ATP8A1: variants seen among roughly 807,000 people sequenced by gnomAD.
ATP8A1 encodes phospholipid-transporting ATPase IA.
A neutral mutation model predicts 177.7 loss-of-function variants in ATP8A1; 90 were observed. That is an observed-to-expected ratio of 0.51 (90% CI 0.43 to 0.60). The LOEUF (loss-of-function observed/expected upper bound fraction) is 0.60, where lower values mean the gene tolerates loss of function less well. ATP8A1 is among the 20% of genes least tolerant of loss of function. The probability of loss-of-function intolerance (pLI) is 0.00; values close to 1 mark genes in which losing one functional copy is unlikely to be tolerated. For synonymous variants in ATP8A1, 493 were observed against 485.9 expected (o/e 1.01, Z -0.19); for missense variants, 1,072 against 1,392.8 (o/e 0.77, Z 3.67).
chr4:42,479,457 C>T (rs897362481), intron 25 of ATP8A1, among the ~76,000 whole-genome samples: 2 of 152,214 alleles, frequency 1.3e-5, no homozygotes, highest in African/African-American at 4.8e-5. Flanking sequence ...ACTCTGCTTC[C>T]CTTTCCCACA....
rs55945370 is a variant in ATP8A1 at position 42,435,426 on chromosome 4, C to CAAAA, written c.3123+8135_3123+8138dup. ...GGGGGACAAGAGCGAGACTTCATCT[C>CAAAA]AAAAAAAAAAAAAAAAAAAAAAACA... is the stretch of plus-strand genomic sequence containing the variant. On this transcript the variant is annotated intron_variant, in intron 33 of 36. Coordinates refer to ENST00000381668, the MANE Select transcript of ATP8A1 (RefSeq NM_006095.2). 1.3e-3 allele frequency among the ~76,000 whole-genome samples: 121 copies of CAAAA among 93,884 alleles called. 1 individual carries two copies. Among genetic ancestry groups the CAAAA allele is most frequent in the African/African-American group, 2.4e-3 (65 of 26,632 alleles). The allele number at this position is 93,884 out of a possible 152,430, so 61.6% of individuals were successfully genotyped here. A position where few individuals can be genotyped will look rare whatever the true frequency, so the allele number is the denominator to read the frequency against.
intron 25 of ATP8A1, among the ~76,000 whole-genome samples, chr4:42,481,828 G>A (rs145086078): frequency 5.3e-5 from 8 of 152,286 alleles, no homozygotes; most frequent in South Asian, 2.1e-4. Flanking sequence ...AAGTATCCGT[G>A]ATCACACCAA....
chr4:42,510,162 T>C (rs866973688), intron 22 of ATP8A1, among the ~76,000 whole-genome samples: 4 of 152,174 alleles, frequency 2.6e-5, no homozygotes, highest in African/African-American at 7.2e-5. Flanking sequence ...ATATTCCAAA[T>C]AATATGGATG....
intron 21 of ATP8A1, among the ~76,000 whole-genome samples, chr4:42,523,422 GAAGT>G (rs1284998391): frequency 6.6e-6 from 1 of 152,178 alleles, no homozygotes; most frequent in Non-Finnish European, 1.5e-5. Context: ...GAACACATCA[GAAGT>G]AAGAAGCAAG....
At chr4:42,561,154 A>C (rs957833908) in intron 15 of ATP8A1, among the ~76,000 whole-genome samples, 1 of 152,220 alleles carries the variant, frequency 6.6e-6, no homozygotes, top group Non-Finnish European at 1.5e-5. Context: ...AAGCCACACA[A>C]ACGAGGACAA....
Position 42,412,837 on chromosome 4 carries a change from A to G in ATP8A1, c.*79T>C, listed in dbSNP as rs1284656502. The G allele has an allele frequency of 5.9e-6, 7 of 1,194,252 alleles. No homozygotes were observed. The highest frequency in any genetic ancestry group is 8.6e-6 in the Non-Finnish European group (7 of 812,598). The allele number at this position is 1,194,252 out of a possible 1,614,324, so 74.0% of individuals were successfully genotyped here. ...CTTTCCTCTTCATGGACCAGACTGG[A>G]ATTGGTTAGCAGACTGCGGTGACAA... On this transcript the variant is annotated 3_prime_UTR_variant, in exon 37 of 37. Transcript: ENST00000381668.
intron 1 of ATP8A1, among the ~76,000 whole-genome samples, chr4:42,646,846 C>G (rs1297738033): frequency 6.6e-6 from 1 of 152,160 alleles, no homozygotes; most frequent in African/African-American, 2.4e-5. Flanking sequence ...TTTGCCAAGT[C>G]AATTAGAGGT....
At chr4:42,519,570 G>A (rs1460031366) in intron 22 of ATP8A1, among the ~76,000 whole-genome samples, 1 of 152,162 alleles carries the variant, frequency 6.6e-6, no homozygotes, top group African/African-American at 2.4e-5. Context: ...TGCTCAGACC[G>A]TGGTACCCAG....
intron 5 of ATP8A1, among the ~76,000 whole-genome samples, chr4:42,604,803 C>T (rs1735630816): frequency 6.6e-6 from 1 of 152,144 alleles, no homozygotes; most frequent in Non-Finnish European, 1.5e-5. Flanking sequence ...GAATGGATAA[C>T]AAAATGTGGT....
intron 35 of ATP8A1, 34 bp from the exon 36 acceptor site, chr4:42,414,752 A>G (rs1272745009): frequency 6.4e-7 from 1 of 1,559,136 alleles, no homozygotes; most frequent in Admixed American, 1.7e-5. Context: ...GAAATGAATT[A>G]TCAACTCGGC....
chr4:42,591,093 T>G (rs575223220), intron 6 of ATP8A1, among the ~76,000 whole-genome samples: 1 of 152,186 alleles, frequency 6.6e-6, no homozygotes, highest in South Asian at 2.1e-4. Context: ...TTGAGGGTTA[T>G]TTATTTGCTT....
chr4:42,453,549 T>C (rs1460022289), intron 29 of ATP8A1, among the ~76,000 whole-genome samples: 1 of 152,184 alleles, frequency 6.6e-6, no homozygotes, highest in Non-Finnish European at 1.5e-5. Flanking sequence ...GGAATGATGC[T>C]CCCACATTAA....
intron 22 of ATP8A1, 80 bp downstream of exon 22, chr4:42,522,080 A>T: frequency 6.7e-7 from 1 of 1,487,564 alleles, no homozygotes; most frequent in East Asian, 2.3e-5. Context: ...TTTGATTTTT[A>T]TTCCATTGGT....
intron 22 of ATP8A1, among the ~76,000 whole-genome samples, chr4:42,517,071 G>A (rs954921930): frequency 3.3e-5 from 5 of 151,796 alleles, no homozygotes; most frequent in African/African-American, 9.7e-5. Context: ...GAGGCCAAGG[G>A]GGGGTGGATC....
At chr4:42,422,077 A>G (rs1474943573) in intron 35 of ATP8A1, among the ~76,000 whole-genome samples, 1 of 152,008 alleles carries the variant, frequency 6.6e-6, no homozygotes, top group Admixed American at 6.6e-5. Context: ...ATATCAAACT[A>G]TGATTTTGAT....
chr4:42,651,308 C>T (rs1224718294), intron 1 of ATP8A1, among the ~76,000 whole-genome samples: 1 of 152,102 alleles, frequency 6.6e-6, no homozygotes, highest in Non-Finnish European at 1.5e-5. Flanking sequence ...TGAAAAGATA[C>T]TGAAAATGTG....
At chr4:42,542,443 A>ATTAT (rs561381229) in intron 20 of ATP8A1, among the ~76,000 whole-genome samples, 1 of 152,030 alleles carries the variant, frequency 6.6e-6, no homozygotes, top group Admixed American at 6.6e-5. Flanking sequence ...TTTAAAAAAA[A>ATTAT]TTATTTATTT....
chr4:42,608,236 T>C (rs964056626), intron 5 of ATP8A1, among the ~76,000 whole-genome samples: 2 of 150,818 alleles, frequency 1.3e-5, no homozygotes, highest in Admixed American at 1.3e-4. Flanking sequence ...AGGTGCTGAC[T>C]TACACTCTAA....
chr4:42,519,561 G>A (rs1184506800), intron 22 of ATP8A1, among the ~76,000 whole-genome samples: 3 of 152,166 alleles, frequency 2.0e-5, no homozygotes, highest in Non-Finnish European at 4.4e-5. Flanking sequence ...TAGGGAATTT[G>A]CTCAGACCGT....
Sources: allele counts gnomAD v4.1 joint callset (sites outside exome capture counted in the v4.1 genomes callset), GRCh38; gene constraint gnomAD v4.1.1; transcripts MANE v1.5; gene names NCBI Gene and HGNC (gene_info 2026-07-23, HGNC 2026-07-21).